SLIT3: variants seen among roughly 807,000 people sequenced by gnomAD.
SLIT3 encodes slit guidance ligand 3, also known as slit homolog 3 protein.
In SLIT3, 68 loss-of-function variants were observed where a neutral mutation model predicts 184.0. The ratio of observed to expected loss-of-function variants is 0.37; its 90% CI spans 0.30 to 0.45. The LOEUF is 0.45. Among genes scored for constraint, SLIT3 ranks in the 20% least tolerant of loss-of-function variants. SLIT3 has a pLI of 1.00. For synonymous variants in SLIT3, 831 were observed against 828.6 expected, an observed-to-expected ratio of 1.00 and a Z score of -0.05; for missense variants, 1,707 against 2,026.0, an observed-to-expected ratio of 0.84 and a Z score of 3.02.
rs148377565 is a variant in SLIT3, at chr5:168,788,099, C to T, written c.1079+1461G>A. Among the ~76,000 whole-genome samples, 120 of 152,120 alleles carry T rather than the reference C, an allele frequency of 7.9e-4. 1 individual carries two copies. Among genetic ancestry groups the T allele is most frequent in the Non-Finnish European group, 8.8e-4 (60 of 68,006 alleles). On this transcript the variant is annotated intron_variant, in intron 11 of 35. Transcript: ENST00000519560. ...ATTCCTTTTCCTACGAGACAGGAAGCACCTCACTGCCCTCAGACTGTCTCC... is the reference window on the plus strand; with the variant it reads ...ATTCCTTTTCCTACGAGACAGGAAGTACCTCACTGCCCTCAGACTGTCTCC...
At chr5:168,841,774 T>C (rs1300408701) in intron 6 of SLIT3, among the ~76,000 whole-genome samples, 1 of 152,206 alleles carries the variant, frequency 6.6e-6, no homozygotes, top group Non-Finnish European at 1.5e-5. Flanking sequence ...TTGACATCCA[T>C]ACACTTTCCT....
chr5:168,923,531 T>G (rs1463656988), intron 4 of SLIT3, among the ~76,000 whole-genome samples: 1 of 151,382 alleles, frequency 6.6e-6, no homozygotes, highest in Non-Finnish European at 1.5e-5. Flanking sequence ...TTTTTTTTTT[T>G]TTTGAGATGG....
intron 4 of SLIT3, among the ~76,000 whole-genome samples, chr5:168,979,640 G>C (rs1754883925): frequency 6.6e-6 from 1 of 152,158 alleles, no homozygotes; most frequent in Non-Finnish European, 1.5e-5. Flanking sequence ...TGGAGAATGG[G>C]GTGTGTGTTT....
chr5:168,729,979 T>C (rs62378468), intron 20 of SLIT3, among the ~76,000 whole-genome samples: 11,811 of 152,034 alleles, frequency 0.078, 695 homozygotes, highest in African/African-American at 0.18. Context: ...ACAAGAAACT[T>C]ATCCTTCCCA....
chr5:169,080,645 T>C (rs1335199369), intron 4 of SLIT3, among the ~76,000 whole-genome samples: 1 of 152,106 alleles, frequency 6.6e-6, no homozygotes, highest in African/African-American at 2.4e-5. Flanking sequence ...CTGTTTTTTT[T>C]GCAAACCTGG....
chr5:169,035,168 A>G (rs1757189831), intron 4 of SLIT3, among the ~76,000 whole-genome samples: 1 of 152,118 alleles, frequency 6.6e-6, no homozygotes, highest in Non-Finnish European at 1.5e-5. Flanking sequence ...AGGATTAGAC[A>G]AATATTGTGG....
intron 3 of SLIT3, among the ~76,000 whole-genome samples, chr5:169,214,480 G>A (rs895283184): frequency 9.2e-5 from 14 of 152,326 alleles, no homozygotes; most frequent in Admixed American, 9.1e-4. Flanking sequence ...CTGGGAGGAG[G>A]CCAGGGTGAC....
intron 7 of SLIT3, among the ~76,000 whole-genome samples, chr5:168,820,575 A>C (rs893095466): frequency 1.3e-5 from 2 of 152,208 alleles, no homozygotes; most frequent in East Asian, 1.9e-4. Flanking sequence ...GACTAGCTCC[A>C]GACTTCACTC....
chr5:168,819,479 T>G (rs898332104), intron 7 of SLIT3, among the ~76,000 whole-genome samples: 2 of 152,190 alleles, frequency 1.3e-5, no homozygotes, highest in African/African-American at 4.8e-5. Flanking sequence ...AACCTTTTAA[T>G]GAGCGTTTGG....
At chr5:168,712,543 G>T (rs1762590247) in intron 23 of SLIT3, 189 bp from the exon 24 acceptor site, 5 of 589,168 alleles carry the variant, frequency 8.5e-6, no homozygotes, top group Middle Eastern at 4.6e-4. Flanking sequence ...AGCAAGGATG[G>T]AGGGAGTAGA....
intron 3 of SLIT3, among the ~76,000 whole-genome samples, chr5:169,235,958 C>A (rs1765183654): frequency 6.6e-6 from 1 of 152,314 alleles, no homozygotes; most frequent in South Asian, 2.1e-4. Context: ...CCACTCCCTT[C>A]CCTTTTCACA....
chr5:169,265,306 T>A (rs901788224), intron 1 of SLIT3, among the ~76,000 whole-genome samples: 1 of 152,228 alleles, frequency 6.6e-6, no homozygotes, highest in Non-Finnish European at 1.5e-5. Context: ...CATATGCAAA[T>A]TAATTGCCAA....
intron 20 of SLIT3, among the ~76,000 whole-genome samples, chr5:168,732,486 C>A (rs1205381430): frequency 6.6e-6 from 1 of 151,932 alleles, no homozygotes; most frequent in Admixed American, 6.6e-5. Context: ...AATTCATATT[C>A]ATAATTCAAA....
chr5:169,034,982 A>T (rs1257696290), intron 4 of SLIT3, among the ~76,000 whole-genome samples: 3 of 148,010 alleles, frequency 2.0e-5, no homozygotes, highest in Non-Finnish European at 4.5e-5. Context: ...GGGTTTTGTC[A>T]TGTTGCCCAG....
At chr5:168,831,111 C>T (rs1031432130) in intron 6 of SLIT3, among the ~76,000 whole-genome samples, 3 of 152,208 alleles carry the variant, frequency 2.0e-5, no homozygotes, top group Admixed American at 6.5e-5. Context: ...CAAAGTTTGG[C>T]TAACACGTAT....
chr5:168,991,903 TG>T (rs1297330060), intron 4 of SLIT3, among the ~76,000 whole-genome samples: 2 of 150,430 alleles, frequency 1.3e-5, no homozygotes, highest in Non-Finnish European at 3.0e-5. Context: ...GGAGCTGGGG[TG>T]GGGGCAACGG....
intron 4 of SLIT3, among the ~76,000 whole-genome samples, chr5:168,920,119 G>A (rs145348457): frequency 1.4e-3 from 218 of 152,234 alleles, no homozygotes; most frequent in African/African-American, 5.0e-3. Context: ...CTGCAACAAT[G>A]ACCTTCTTTT....
intron 9 of SLIT3, among the ~76,000 whole-genome samples, chr5:168,800,546 C>G (rs140609679): frequency 6.6e-6 from 1 of 152,148 alleles, no homozygotes; most frequent in Non-Finnish European, 1.5e-5. Context: ...AAGATCACAC[C>G]ATTGCACTCT....
chr5:168,696,940 T>G (rs567986083), intron 27 of SLIT3, among the ~76,000 whole-genome samples: 25 of 152,276 alleles, frequency 1.6e-4, no homozygotes, highest in African/African-American at 6.0e-4. Context: ...GGTCCCAGAC[T>G]CTGTACCCAG....
Sources: allele counts gnomAD v4.1 joint callset (sites outside exome capture counted in the v4.1 genomes callset), GRCh38; gene constraint gnomAD v4.1.1; transcripts MANE v1.5; gene names NCBI Gene and HGNC (gene_info 2026-07-23, HGNC 2026-07-21).